CNTN4: variants seen among roughly 807,000 people sequenced by gnomAD.
CNTN4 encodes contactin 4, also known as contactin-4.
A neutral mutation model predicts 122.5 loss-of-function variants in CNTN4; 77 were observed. That is an observed-to-expected ratio of 0.63 (90% CI 0.52 to 0.76). The LOEUF (loss-of-function observed/expected upper bound fraction) is 0.76, where lower values mean the gene tolerates loss of function less well. CNTN4 is among the 30% of genes least tolerant of loss of function. The pLI, the probability that CNTN4 is intolerant of heterozygous loss-of-function variation, is 0.00. For missense variants in CNTN4, 1,256 were observed against 1,259.1 expected, an observed-to-expected ratio of 1.00 and a Z score of 0.04; for synonymous variants, 512 against 447.0, an observed-to-expected ratio of 1.15 and a Z score of -1.83.
intron 2 of CNTN4, among the ~76,000 whole-genome samples, chr3:2,159,864 A>C (rs1353523795): frequency 1.3e-5 from 2 of 152,070 alleles, no homozygotes; most frequent in African/African-American, 4.8e-5. Flanking sequence ...TCCTTTAACA[A>C]ACCTTGCCCT....
intron 3 of CNTN4, among the ~76,000 whole-genome samples, chr3:2,490,416 T>A (rs930367090): frequency 6.6e-6 from 1 of 152,202 alleles, no homozygotes; most frequent in Admixed American, 6.5e-5. Flanking sequence ...TTGTCTTTGG[T>A]AATGTTCTTG....
chr3:2,493,819 G>T (rs922233260), intron 3 of CNTN4, among the ~76,000 whole-genome samples: 2 of 152,082 alleles, frequency 1.3e-5, no homozygotes, highest in African/African-American at 4.8e-5. Flanking sequence ...TGATTCGGCT[G>T]GGAATTGTGC....
At chr3:2,625,744 C>A (rs917146753) in intron 4 of CNTN4, among the ~76,000 whole-genome samples, 3 of 151,998 alleles carry the variant, frequency 2.0e-5, no homozygotes, top group Non-Finnish European at 4.4e-5. Context: ...TATTGATATC[C>A]TCTCTTTTTT....
chr3:2,373,903 C>A (rs575377840), intron 3 of CNTN4, among the ~76,000 whole-genome samples: 1 of 152,280 alleles, frequency 6.6e-6, no homozygotes, highest in South Asian at 2.1e-4. Context: ...AATGGCATTT[C>A]ACTTACAGTT....
intron 2 of CNTN4, among the ~76,000 whole-genome samples, chr3:2,332,176 TG>T (rs1182289613): frequency 6.6e-6 from 1 of 152,198 alleles, no homozygotes; most frequent in African/African-American, 2.4e-5. Context: ...TAGTAACTTA[TG>T]GGCCACAATG....
At chr3:2,382,824 A>G (rs1338703409) in intron 3 of CNTN4, among the ~76,000 whole-genome samples, 1 of 152,194 alleles carries the variant, frequency 6.6e-6, no homozygotes, top group Non-Finnish European at 1.5e-5. Flanking sequence ...CTGTAACCCC[A>G]GCACTTCGGG....
In CNTN4 at chr3:2,902,939, A is replaced by C. The variant is rs202148476; in HGVS notation, c.1141A>C (p.Met381Leu). 1.2e-6 allele frequency: 2 copies of C among 1,613,872 alleles called. No individual in the cohort carries two copies. The highest frequency in any genetic ancestry group is 2.2e-5 in the South Asian group (2 of 91,070). Residue 381 changes from methionine (M) to leucine (L), a missense_variant, in exon 12 of 25, where the codon ATG (methionine) becomes CTG (leucine). Transcript: ENST00000418658. ...AATAGTGAACCTCTCAGATGCTGGC[A>C]TGTATCAGTGTTTGGCAGAGAATAA... ...ITIVNLSDAG[M>L]YQCLAENKHG... is the part of the protein sequence containing the mutation.
At chr3:2,194,155 A>G (rs1367242682) in intron 2 of CNTN4, among the ~76,000 whole-genome samples, 2 of 152,130 alleles carry the variant, frequency 1.3e-5, no homozygotes, top group South Asian at 2.1e-4. Context: ...GAAAATAATT[A>G]TATGTATAAT....
intron 14 of CNTN4, among the ~76,000 whole-genome samples, chr3:3,005,715 T>A (rs1696543937): frequency 7.5e-6 from 1 of 133,802 alleles, no homozygotes; most frequent in South Asian, 2.7e-4. Flanking sequence ...TTTCCTCTTC[T>A]TATAAGGGCA....
At chr3:2,367,267 G>A (rs780813282) in intron 3 of CNTN4, among the ~76,000 whole-genome samples, 8 of 152,116 alleles carry the variant, frequency 5.3e-5, no homozygotes, top group Non-Finnish European at 1.0e-4. Context: ...CTTATCAAAT[G>A]AGACTTGCAA....
intron 4 of CNTN4, among the ~76,000 whole-genome samples, chr3:2,600,068 C>T (rs975166832): frequency 1.9e-5 from 2 of 107,744 alleles, no homozygotes; most frequent in Admixed American, 2.6e-4. Flanking sequence ...CAATAAAGGG[C>T]AGAAGTTTTG....
In CNTN4 at chr3:2,109,258, A is replaced by G. The variant is rs114774882; in HGVS notation, c.-145+8619A>G. ...TATTTTCATTATTTTTATTAATGAAATAAAAGTGGCGCATTTGGGGGACCA... is the reference window on the plus strand; with the variant it reads ...TATTTTCATTATTTTTATTAATGAAGTAAAAGTGGCGCATTTGGGGGACCA... On this transcript the variant is annotated intron_variant, in intron 2 of 24. Transcript: ENST00000418658. 2.0e-3 allele frequency among the ~76,000 whole-genome samples: 299 copies of G among 152,320 alleles called. 1 individual carries two copies. The highest frequency in any genetic ancestry group is 3.2e-3 in the Non-Finnish European group (215 of 68,030).
At chr3:2,185,894 C>G (rs958225709) in intron 2 of CNTN4, among the ~76,000 whole-genome samples, 1 of 151,818 alleles carries the variant, frequency 6.6e-6, no homozygotes, top group African/African-American at 2.4e-5. Context: ...TCCTTGGAAC[C>G]ATTGGTCTTT....
intron 4 of CNTN4, among the ~76,000 whole-genome samples, chr3:2,614,420 A>G (rs2081625135): frequency 6.6e-6 from 1 of 152,210 alleles, no homozygotes; most frequent in South Asian, 2.1e-4. Flanking sequence ...TCAAAAAGTG[A>G]CAAGGTAACA....
At chr3:2,180,913 A>G (rs545436065) in intron 2 of CNTN4, among the ~76,000 whole-genome samples, 1 of 152,222 alleles carries the variant, frequency 6.6e-6, no homozygotes, top group Non-Finnish European at 1.5e-5. Flanking sequence ...GTATGTGGCT[A>G]TGAGCATTGA....
At chr3:2,520,297 G>A (rs1266972279) in intron 3 of CNTN4, among the ~76,000 whole-genome samples, 2 of 61,458 alleles carry the variant, frequency 3.3e-5, no homozygotes, top group African/African-American at 9.7e-5. Context: ...TTTTGAGATT[G>A]AGTTTCACTC....
chr3:2,205,312 T>C (rs2038288475), intron 2 of CNTN4, among the ~76,000 whole-genome samples: 1 of 149,756 alleles, frequency 6.7e-6, no homozygotes, highest in African/African-American at 2.4e-5. Context: ...TGCAGGGAAG[T>C]ATAATTACTA....
chr3:2,918,093 A>G (rs2094389258), intron 12 of CNTN4, among the ~76,000 whole-genome samples: 1 of 152,220 alleles, frequency 6.6e-6, no homozygotes, highest in Non-Finnish European at 1.5e-5. Context: ...GGCAAAATAT[A>G]TGCTCTCATT....
At chr3:2,701,519 C>A (rs933668309) in intron 4 of CNTN4, among the ~76,000 whole-genome samples, 1 of 152,218 alleles carries the variant, frequency 6.6e-6, no homozygotes, top group African/African-American at 2.4e-5. Context: ...TGAAGATCCA[C>A]TTATCCAATT....
Sources: allele counts gnomAD v4.1 joint callset (sites outside exome capture counted in the v4.1 genomes callset), GRCh38; gene constraint gnomAD v4.1.1; transcripts MANE v1.5; gene names NCBI Gene and HGNC (gene_info 2026-07-23, HGNC 2026-07-21).